Variants in PAK2 observed in about 807,000 individuals in gnomAD.
PAK2 encodes p21 (RAC1) activated kinase 2, also known as serine/threonine-protein kinase PAK 2.
PAK2 carries 21 observed loss-of-function variants against 65.9 expected under a neutral mutation model. The ratio of observed to expected loss-of-function variants is 0.32; its 90% CI spans 0.23 to 0.46. The LOEUF (loss-of-function observed/expected upper bound fraction) is 0.46, where lower values mean the gene tolerates loss of function less well. Ranked by LOEUF, PAK2 falls within the 20% of genes least tolerant of loss-of-function variation. The pLI, the probability that PAK2 is intolerant of heterozygous loss-of-function variation, is 1.00. For missense variants in PAK2, 324 were observed against 642.6 expected, an observed-to-expected ratio of 0.50 and a Z score of 5.36; for synonymous variants, 204 against 219.7, an observed-to-expected ratio of 0.93 and a Z score of 0.63.
chr3:196,749,171 C>G (rs761053826), intron 1 of PAK2, among the ~76,000 whole-genome samples: 1 of 151,796 alleles, frequency 6.6e-6, no homozygotes, highest in Non-Finnish European at 1.5e-5. Context: ...GGATTGCTTC[C>G]GTAATTTAGG....
intron 1 of PAK2, among the ~76,000 whole-genome samples, chr3:196,773,925 C>G (rs1270623342): frequency 6.6e-6 from 1 of 151,556 alleles, no homozygotes; most frequent in Non-Finnish European, 1.5e-5. Flanking sequence ...TCCTGTAATC[C>G]CAGCTACTCG....
chr3:196,751,690 TATA>T (rs1713599530), intron 1 of PAK2, among the ~76,000 whole-genome samples: 3 of 49,052 alleles, frequency 6.1e-5, no homozygotes, highest in Non-Finnish European at 1.3e-4. Context: ...TATATATATA[TATA>T]TAATTCAGGC....
intron 3 of PAK2, among the ~76,000 whole-genome samples, chr3:196,802,230 C>G (rs1190126183): frequency 1.3e-5 from 2 of 151,992 alleles, no homozygotes; most frequent in African/African-American, 4.8e-5. Context: ...GAAACCCCAT[C>G]CCTACTAAAA....
rs1049933855 is a variant in PAK2, at chr3:196,762,578, C to T, written c.-21-20048C>T. Among the ~76,000 whole-genome samples the T allele has an allele frequency of 9.3e-5, 14 of 149,846 alleles. No individual in the cohort carries two copies. In the South Asian group the frequency reaches 2.2e-3, roughly 23 times the overall value. On this transcript the variant is annotated intron_variant, in intron 1 of 14. Coordinates refer to ENST00000327134, the MANE Select transcript of PAK2 (RefSeq NM_002577.4). ...GCGCATGCCTGCAATCGCAGGCACT[C>T]GGCAGGCTGAGGCAGGAGAATCAGA...
intron 1 of PAK2, among the ~76,000 whole-genome samples, chr3:196,744,337 G>C (rs1277474817): frequency 6.6e-6 from 1 of 152,182 alleles, no homozygotes; most frequent in Non-Finnish European, 1.5e-5. Context: ...CAGTGGTTTT[G>C]TTCCTTATTT....
intron 13 of PAK2, among the ~76,000 whole-genome samples, chr3:196,825,960 C>T (rs1160418302): frequency 6.6e-6 from 1 of 151,902 alleles, no homozygotes; most frequent in Non-Finnish European, 1.5e-5. Context: ...TCTCCTGCCT[C>T]AGCCTCCCGA....
chr3:196,751,737 A>ATTTC (rs1197823304), intron 1 of PAK2, among the ~76,000 whole-genome samples: 4 of 95,584 alleles, frequency 4.2e-5, no homozygotes, highest in African/African-American at 2.0e-4. Flanking sequence ...ACACAAATGA[A>ATTTC]TTTCTTTTTT....
chr3:196,813,650 T>TCTC (rs1453526262), intron 10 of PAK2, among the ~76,000 whole-genome samples: 1 of 151,982 alleles, frequency 6.6e-6, no homozygotes, highest in Admixed American at 6.6e-5. Context: ...GAGAACATGT[T>TCTC]CATAGAAATA....
At chr3:196,798,933 A>G (rs1715339012) in intron 2 of PAK2, among the ~76,000 whole-genome samples, 1 of 152,190 alleles carries the variant, frequency 6.6e-6, no homozygotes, top group African/African-American at 2.4e-5. Context: ...TACCATTGGC[A>G]TTAAACTTAA....
intron 13 of PAK2, among the ~76,000 whole-genome samples, chr3:196,824,491 T>G (rs554033017): frequency 3.9e-5 from 6 of 152,310 alleles, no homozygotes; most frequent in African/African-American, 1.4e-4. Context: ...GCATATTGCT[T>G]AGTGAAAGAA....
rs759432864 is a variant in PAK2, at chr3:196,802,012, T to C, written c.273T>C (p.Val91=). The C allele has an allele frequency of 1.3e-6, 2 of 1,577,260 alleles. No homozygotes were observed. Among genetic ancestry groups the C allele is most frequent in the Admixed American group, 3.3e-5 (2 of 59,950 alleles). The part of the protein sequence containing the change: ...EHTIHVGFDA[V]TGEFTGMPEQ... ...CCATCCATGTTGGCTTTGATGCTGT[T>C]ACTGGAGAATTCACTGTAAGTTAAC... is the stretch of plus-strand genomic sequence containing the variant. Residue 91 remains valine, a synonymous_variant, in exon 3 of 15, where the codon GTT becomes GTC. Transcript: ENST00000327134.
chr3:196,804,832 T>TATATATATACAC (rs1553807536), intron 4 of PAK2, among the ~76,000 whole-genome samples: 12 of 80,360 alleles, frequency 1.5e-4, no homozygotes, highest in Admixed American at 2.9e-4. Context: ...TATACACATA[T>TATATATATACAC]ATATATATAT....
intron 1 of PAK2, among the ~76,000 whole-genome samples, chr3:196,752,259 C>G (rs1225198364): frequency 6.6e-6 from 1 of 152,074 alleles, no homozygotes; most frequent in Non-Finnish European, 1.5e-5. Context: ...GTTCACCTAT[C>G]AATGTTTTCT....
At chr3:196,810,224 C>A (rs764374297) in intron 7 of PAK2, among the ~76,000 whole-genome samples, 1 of 151,704 alleles carries the variant, frequency 6.6e-6, no homozygotes, top group Non-Finnish European at 1.5e-5. Flanking sequence ...CTTGAGATTA[C>A]CTGATTCTAA....
rs377237788 is a variant in PAK2 at position 196,791,238 on chromosome 3, A to G, written c.187+8405A>G. On this transcript the variant is annotated intron_variant, in intron 2 of 14. Transcript: ENST00000327134. The surrounding 1 kb of genome is among the most constrained non-coding windows in gnomAD (Gnocchi z 4.0). ...ATGCTTTAGTATCTTTTTGTTTTAGACACTGTTTCTAATATCCTTTCCTTT... is the reference window on the plus strand; with the variant it reads ...ATGCTTTAGTATCTTTTTGTTTTAGGCACTGTTTCTAATATCCTTTCCTTT... Among the ~76,000 whole-genome samples, 1 of 152,192 alleles carries G rather than the reference A, an allele frequency of 6.6e-6. No homozygotes were observed. The highest frequency in any genetic ancestry group is 2.4e-5 in the African/African-American group (1 of 41,454).
chr3:196,808,970 C>T (rs1381951485), intron 7 of PAK2, among the ~76,000 whole-genome samples: 1 of 151,782 alleles, frequency 6.6e-6, no homozygotes, highest in Non-Finnish European at 1.5e-5. Flanking sequence ...GGCATAGTGG[C>T]TCAAACCTAT....
intron 2 of PAK2, among the ~76,000 whole-genome samples, chr3:196,799,423 G>A (rs1577729973): frequency 6.6e-6 from 1 of 152,196 alleles, no homozygotes; most frequent in African/African-American, 2.4e-5. Context: ...CAGTAAGAGA[G>A]TGTTGAGACA....
intron 8 of PAK2, among the ~76,000 whole-genome samples, chr3:196,811,197 TCCTCCCTTCCTTCCCTTCCCTC>T (rs1715777344): frequency 1.2e-4 from 1 of 8,544 alleles, no homozygotes; most frequent in Non-Finnish European, 2.6e-4. Flanking sequence ...ATGAATTCCT[TCCTCCCTTCCTTCCCTTCCCTC>T]CCTCCCTTCC....
intron 2 of PAK2, among the ~76,000 whole-genome samples, chr3:196,795,961 TC>T (rs1264265172): frequency 3.3e-5 from 5 of 152,192 alleles, no homozygotes; most frequent in Non-Finnish European, 5.9e-5. Flanking sequence ...ATGAAACTGT[TC>T]CATCTGAGGT....
Sources: gnomAD v4.1 joint callset for allele counts (sites outside exome capture counted in the v4.1 genomes callset) on GRCh38, gnomAD v4.1.1 for gene constraint, Gnocchi (gnomAD v3.1) non-coding constraint, MANE v1.5 for transcripts, NCBI Gene and HGNC (gene_info 2026-07-23, HGNC 2026-07-21) for gene names.